The following HELZ variants were observed in gnomAD, a reference collection of about 807,000 sequenced individuals.
HELZ encodes helicase with zinc finger, also known as ATP-dependent RNA helicase with zinc finger domain.
A neutral mutation model predicts 218.2 loss-of-function variants in HELZ; 23 were observed. That is an observed-to-expected ratio of 0.11 (90% CI 0.08 to 0.15). The LOEUF is 0.15. Among genes scored for constraint, HELZ ranks in the 10% least tolerant of loss-of-function variants. HELZ has a pLI of 1.00. For synonymous variants in HELZ, 814 were observed against 829.4 expected (o/e 0.98, Z 0.32); for missense variants, 1,813 against 2,353.7 (o/e 0.77, Z 4.75).
chr17:67,238,138 G>A (rs1382248564), intron 3 of HELZ, among the ~76,000 whole-genome samples: 1 of 151,844 alleles, frequency 6.6e-6, no homozygotes, highest in Non-Finnish European at 1.5e-5. Context: ...GAGGTCAGGA[G>A]TTTGAGACCA....
At position 67,123,984 on chromosome 17, in the gene HELZ, G is replaced by T; in HGVS notation, c.3418C>A (p.His1140Asn). The stretch of plus-strand genomic sequence containing the variant: ...TTACCAATTCCATCATTCTGGAAGT[G>T]ATCATTCTGGGTATGATGAAGACTT... ...GKSLHHTQND[H>N]FQNDGIVQPN... is the part of the protein sequence containing the mutation. Residue 1140 changes from histidine to asparagine, a missense_variant, in exon 25 of 33, where the codon CAC (histidine) becomes AAC (asparagine). His to Asn is a moderately conservative substitution (Grantham distance 68, BLOSUM62 1). Coordinates refer to ENST00000358691, the MANE Select transcript of HELZ (RefSeq NM_014877.4). 1 of 1,607,792 alleles carries T rather than the reference G, an allele frequency of 6.2e-7. No individual in the cohort carries two copies. The highest frequency in any genetic ancestry group is 1.1e-5 in the South Asian group (1 of 90,602).
chr17:67,231,815 G>A (rs2041043815), intron 3 of HELZ, among the ~76,000 whole-genome samples: 1 of 151,820 alleles, frequency 6.6e-6, no homozygotes, highest in South Asian at 2.1e-4. Flanking sequence ...CACTTTGGGA[G>A]GCGGAGATGG....
intron 12 of HELZ, among the ~76,000 whole-genome samples, chr17:67,184,778 T>TG (rs1022121042): frequency 4.6e-5 from 7 of 152,048 alleles, no homozygotes; most frequent in African/African-American, 1.7e-4. Context: ...ATCACACCAC[T>TG]GCACTCCAGC....
At chr17:67,094,293 G>A (rs770489455) in intron 31 of HELZ, among the ~76,000 whole-genome samples, 7 of 151,120 alleles carry the variant, frequency 4.6e-5, no homozygotes, top group South Asian at 2.1e-4. Flanking sequence ...TGCACCTTGC[G>A]CCTGGGTGAC....
chr17:67,213,722 A>C lies in HELZ; in HGVS notation c.247+2177T>G, dbSNP rs527928954. ...AAAAAAAAGGGCAACAATAAGAAAG[A>C]ACATATGTTTATTACAGGATGGTTT... On this transcript the variant is annotated intron_variant, in intron 5 of 32. Transcript: ENST00000358691. Among the ~76,000 whole-genome samples, 13 of 152,318 alleles carry C rather than the reference A, an allele frequency of 8.5e-5. No homozygotes were observed. The South Asian group carries it at 2.7e-3, about 32-fold the overall frequency.
chr17:67,086,639 T>TAA (rs946122377), intron 32 of HELZ, among the ~76,000 whole-genome samples, 190 bp downstream of exon 32: 33 of 86,394 alleles, frequency 3.8e-4, no homozygotes, highest in African/African-American at 9.6e-4. Flanking sequence ...TAAATATATA[T>TAA]ATATATATAT....
rs2038624455 is a variant in HELZ at position 67,149,989 on chromosome 17, G to C, written c.2357-4C>G. The C allele has an allele frequency of 6.3e-7, 1 of 1,585,458 alleles. No homozygotes were observed. The highest frequency in any genetic ancestry group is 8.6e-7 in the Non-Finnish European group (1 of 1,156,682). ...AATAGAATGTGTGTAAAAAACCCTA[G>C]AAAATGCAGCATAAACACAGGATAG... On this transcript the variant is annotated splice_polypyrimidine_tract_variant and splice_region_variant and intron_variant, in intron 18 of 32. Transcript: ENST00000358691.
At chr17:67,191,616 G>A (rs1042525797) in intron 9 of HELZ, among the ~76,000 whole-genome samples, 3 of 151,844 alleles carry the variant, frequency 2.0e-5, no homozygotes, top group Admixed American at 6.5e-5. Context: ...CACAATGCCC[G>A]GCTAGTTTTT....
chr17:67,211,992 G>T (rs770069747), intron 5 of HELZ, among the ~76,000 whole-genome samples: 10 of 152,108 alleles, frequency 6.6e-5, no homozygotes, highest in Non-Finnish European at 1.0e-4. Flanking sequence ...AAGTGGAGAG[G>T]AGAGGAGCTG....
chr17:67,086,644 A>ATATG (rs1555594257), intron 32 of HELZ, among the ~76,000 whole-genome samples, 185 bp downstream of exon 32: 2 of 132,488 alleles, frequency 1.5e-5, no homozygotes, highest in African/African-American at 5.5e-5. Context: ...ATATATATAT[A>ATATG]TATATATATA....
rs2036132179 is a variant in HELZ, at chr17:67,079,798, GT to G, written c.5495-1213del. 7.2e-5 allele frequency among the ~76,000 whole-genome samples: 11 copies of G among 152,332 alleles called. No homozygotes were observed. In the South Asian group the frequency reaches 2.3e-3, roughly 32 times the overall value. The stretch of plus-strand genomic sequence containing the variant: ...AGTTTGCATTTCCTTGATAGCTGGT[GT>G]GTATGAACAGTTTTCCTTGTTTATT... On this transcript the variant is annotated intron_variant, in intron 32 of 32. Coordinates refer to ENST00000358691, the MANE Select transcript of HELZ (RefSeq NM_014877.4).
At chr17:67,086,780 C>A (rs1445396543) in intron 32 of HELZ, 49 bp downstream of exon 32, 1 of 1,593,424 alleles carries the variant, frequency 6.3e-7, no homozygotes, top group Non-Finnish European at 8.6e-7. Context: ...CCACAGATAT[C>A]CGGGAGCTGA....
chr17:67,149,427 C>CT (rs1219456695), intron 19 of HELZ, among the ~76,000 whole-genome samples: 2 of 152,154 alleles, frequency 1.3e-5, no homozygotes, highest in Non-Finnish European at 2.9e-5. Context: ...AAATCACACT[C>CT]TTTGACATTT....
At chr17:67,195,867 T>C (rs941227897) in intron 7 of HELZ, among the ~76,000 whole-genome samples, 31 of 149,198 alleles carry the variant, frequency 2.1e-4, no homozygotes, top group Non-Finnish European at 3.4e-4. Flanking sequence ...TTTTTTTTTT[T>C]TTGGGACAAA....
intron 12 of HELZ, among the ~76,000 whole-genome samples, chr17:67,179,919 T>C (rs1341488132): frequency 2.6e-5 from 4 of 152,198 alleles, no homozygotes; most frequent in Non-Finnish European, 5.9e-5. Flanking sequence ...AATGACAACA[T>C]AATGCACAAT....
At chr17:67,196,316 G>A (rs1021663884) in intron 7 of HELZ, among the ~76,000 whole-genome samples, 3 of 150,734 alleles carry the variant, frequency 2.0e-5, no homozygotes, top group African/African-American at 4.9e-5. Context: ...ACCAATCAGC[G>A]CATTTGGCTC....
chr17:67,232,149 AT>A (rs901289685), intron 3 of HELZ, among the ~76,000 whole-genome samples: 44 of 148,162 alleles, frequency 3.0e-4, no homozygotes, highest in East Asian at 1.4e-3. Context: ...GTATTTTATA[AT>A]TTTTTTTTTT....
At chr17:67,195,604 C>T (rs1005414570) in intron 7 of HELZ, 134 bp from the exon 8 acceptor site, 7 of 560,062 alleles carry the variant, frequency 1.2e-5, no homozygotes, top group Non-Finnish European at 2.3e-5. Flanking sequence ...AATATGTTGC[C>T]AATGATTTTT....
At chr17:67,231,472 A>G (rs2041033739) in intron 3 of HELZ, among the ~76,000 whole-genome samples, 1 of 151,866 alleles carries the variant, frequency 6.6e-6, no homozygotes, top group Non-Finnish European at 1.5e-5. Context: ...AGGCGCCTGT[A>G]GTCCTAGCTA....
Sources: gnomAD v4.1 joint callset for allele counts (sites outside exome capture counted in the v4.1 genomes callset) on GRCh38, gnomAD v4.1.1 for gene constraint, MANE v1.5 for transcripts, NCBI Gene and HGNC (gene_info 2026-07-23, HGNC 2026-07-21) for gene names.